DNAH11: variants seen among roughly 807,000 people sequenced by gnomAD.
DNAH11 encodes the protein dynein axonemal heavy chain 11.
DNAH11 carries 442 observed loss-of-function variants against 526.0 expected under a neutral mutation model. The ratio of observed to expected loss-of-function variants is 0.84; its 90% CI spans 0.78 to 0.91. The LOEUF (loss-of-function observed/expected upper bound fraction) is 0.91, where lower values mean the gene tolerates loss of function less well. Ranked by LOEUF, DNAH11 falls within the 40% of genes least tolerant of loss-of-function variation. The probability of loss-of-function intolerance (pLI) is 0.00; values close to 1 mark genes in which losing one functional copy is unlikely to be tolerated. For synonymous variants in DNAH11, 2,461 were observed against 1,935.9 expected (o/e 1.27, Z -7.12); for missense variants, 6,989 against 5,448.7 (o/e 1.28, Z -8.90).
intron 43 of DNAH11, among the ~76,000 whole-genome samples, chr7:21,718,496 A>G (rs1784754661): frequency 6.6e-6 from 1 of 152,210 alleles, no homozygotes; most frequent in South Asian, 2.1e-4. Flanking sequence ...GAGGAGTGTC[A>G]GTCTGGATGA....
Position 21,778,956 on chromosome 7 carries a change from A to T in DNAH11, c.9337-2A>T, listed in dbSNP as rs1381797691. 6.2e-7 allele frequency: 1 copy of T among 1,612,828 alleles called. No individual in the cohort carries two copies. Among genetic ancestry groups the T allele is most frequent in the South Asian group, 1.1e-5 (1 of 91,000 alleles). On this transcript the variant is annotated splice_acceptor_variant, in intron 56 of 81. Coordinates refer to ENST00000409508, the MANE Select transcript of DNAH11 (RefSeq NM_001277115.2). LOFTEE classifies it high-confidence loss of function. ...ACGTAAGAATAATGACTTTTGCTTTAGGTGGGAGATCTAAAAGCCAGACTT... is the reference window on the plus strand; with the variant it reads ...ACGTAAGAATAATGACTTTTGCTTTTGGTGGGAGATCTAAAAGCCAGACTT...
At position 21,570,123 on chromosome 7, in the gene DNAH11, C is replaced by T. The variant is rs1783826920; in HGVS notation, c.1249C>T (p.Leu417=). The change falls in exon 7 of 82, where the codon CTG becomes TTG. Residue 417 remains leucine (L), a synonymous_variant. Transcript: ENST00000409508. ...TTTGAGGGGAGAAATAGAAGAGTCA[C>T]TGGAAAAGGTGCAGGTGGCTGTTAA... ...DLLRGEIEES[L]EKVQVAVNIL... is the part of the protein sequence containing the mutation. 5 of 1,612,908 alleles carry T rather than the reference C, an allele frequency of 3.1e-6. No individual in the cohort carries two copies. In the Admixed American group the frequency reaches 8.4e-5, roughly 27 times the overall value.
chr7:21,861,731 A>G (rs1156231906), intron 68 of DNAH11, 122 bp from the exon 69 acceptor site: 2 of 926,872 alleles, frequency 2.2e-6, no homozygotes, highest in Non-Finnish European at 3.2e-6. Context: ...TAATCCTCCT[A>G]AAAATTTTGC....
intron 66 of DNAH11, 150 bp downstream of exon 66, chr7:21,842,898 C>G (rs368039423): frequency 1.3e-5 from 9 of 710,700 alleles, no homozygotes; most frequent in Non-Finnish European, 2.0e-5. Flanking sequence ...AAAAGTTAAA[C>G]AATTCAAAGT....
At chr7:21,742,280 A>C (rs1785941981) in intron 49 of DNAH11, 114 bp downstream of exon 49, 1 of 1,258,310 alleles carries the variant, frequency 7.9e-7, no homozygotes, top group African/African-American at 1.5e-5. Flanking sequence ...GTAATTTATA[A>C]AGAAAAGAGG....
In DNAH11 at chr7:21,576,970, A is replaced by G. The variant is rs189059747; in HGVS notation, c.1594-4935A>G. ...AAACAAAACAAAAAAAACACTGGCC[A>G]TTATATATAAAACAGACCTAAGAAG... On this transcript the variant is annotated intron_variant, in intron 8 of 81. Transcript: ENST00000409508. 1.0e-3 allele frequency among the ~76,000 whole-genome samples: 155 copies of G among 152,322 alleles called. 1 individual carries two copies. The highest frequency in any genetic ancestry group is 7.5e-3 in the South Asian group (36 of 4,824).
At chr7:21,606,308 G>A in intron 18 of DNAH11, 118 bp from the exon 19 acceptor site, 1 of 853,996 alleles carries the variant, frequency 1.2e-6, no homozygotes, top group Admixed American at 2.8e-5. Context: ...AGGGGATAGA[G>A]CCAGACCTTG....
intron 5 of DNAH11, 43 bp from the exon 6 acceptor site, chr7:21,564,143 A>AAAAC: frequency 6.8e-7 from 1 of 1,463,072 alleles, no homozygotes; most frequent in South Asian, 1.5e-5. Context: ...AAAAAAAAAA[A>AAAAC]AAACAAACCA....
At chr7:21,783,589 C>A (rs1228852959) in intron 57 of DNAH11, among the ~76,000 whole-genome samples, 1 of 152,188 alleles carries the variant, frequency 6.6e-6, no homozygotes, top group African/African-American at 2.4e-5. Flanking sequence ...ATTCACTCTT[C>A]CTGGCCTTTC....
rs146645779 is a variant in DNAH11 at position 21,636,162 on chromosome 7, G to A, written c.4725+67G>A. 2.7e-4 allele frequency: 364 copies of A among 1,347,014 alleles called. 3 individuals carry two copies. The highest frequency in any genetic ancestry group is 1.5e-3 in the Middle Eastern group (8 of 5,332). 83.4% of individuals were successfully genotyped at this position (1,347,014 alleles called of 1,614,324 possible). ...GTAAAGTAACATGGTTTTGAGCATC[G>A]TATTTATAAAAATGAATGCATTTTT... On this transcript the variant is annotated intron_variant, in intron 26 of 81. Coordinates refer to ENST00000409508, the MANE Select transcript of DNAH11 (RefSeq NM_001277115.2).
At position 21,739,604 on chromosome 7, in the gene DNAH11, C is replaced by A. The variant is rs767672159; in HGVS notation, c.7845C>A (p.Ile2615=). Residue 2615 remains isoleucine, a synonymous_variant, in exon 48 of 82, where the codon ATC becomes ATA. Transcript: ENST00000409508. ...YDRQKVMLKE[I]HNCQYVACMN... ...GACAGAAGGTGATGCTTAAAGAAAT[C>A]CATAACTGCCAGTATGTCGCCTGCA... 7 of 1,612,568 alleles carry A rather than the reference C, an allele frequency of 4.3e-6. No homozygotes were observed. The highest frequency in any genetic ancestry group is 5.9e-6 in the Non-Finnish European group (7 of 1,179,428).
chr7:21,598,669 G>C (rs1319779543), intron 14 of DNAH11, among the ~76,000 whole-genome samples: 3 of 152,086 alleles, frequency 2.0e-5, no homozygotes, highest in African/African-American at 7.2e-5. Context: ...TTATTGTACA[G>C]ATTATTTTAT....
intron 30 of DNAH11, among the ~76,000 whole-genome samples, chr7:21,678,925 A>C (rs77044575): frequency 0.023 from 3,474 of 152,204 alleles, 131 homozygotes; most frequent in African/African-American, 0.073. Context: ...AGATATGTGC[A>C]CTCCCGTGTT....
At chr7:21,670,443 A>G (rs1384239746) in intron 30 of DNAH11, among the ~76,000 whole-genome samples, 1 of 152,132 alleles carries the variant, frequency 6.6e-6, no homozygotes, top group East Asian at 1.9e-4. Flanking sequence ...TATATACTCT[A>G]CAGGGCTTCC....
chr7:21,591,180 C>A lies in DNAH11; in HGVS notation c.2275-5C>A, dbSNP rs1460953805. ...ACTTTTTGTTTTGGGGTTTTCTTTG[C>A]TCAGTACATTGGAAATCTTGACCTT... On this transcript the variant is annotated splice_region_variant and splice_polypyrimidine_tract_variant and intron_variant, in intron 13 of 81. Coordinates refer to ENST00000409508, the MANE Select transcript of DNAH11 (RefSeq NM_001277115.2). The A allele has an allele frequency of 6.5e-7, 1 of 1,538,072 alleles. No individual in the cohort carries two copies. Among genetic ancestry groups the A allele is most frequent in the African/African-American group, 1.4e-5 (1 of 72,046 alleles).
intron 8 of DNAH11, among the ~76,000 whole-genome samples, chr7:21,574,431 A>G (rs1463425790): frequency 6.6e-6 from 1 of 152,174 alleles, no homozygotes; most frequent in Non-Finnish European, 1.5e-5. Context: ...GTGGTCCCGC[A>G]GGCAAATGAC....
chr7:21,884,778 T>C (rs1408915951), intron 76 of DNAH11, among the ~76,000 whole-genome samples: 2 of 152,208 alleles, frequency 1.3e-5, no homozygotes, highest in Non-Finnish European at 2.9e-5. Flanking sequence ...GGCCACTAGG[T>C]TGGCACAGGC....
intron 54 of DNAH11, among the ~76,000 whole-genome samples, chr7:21,755,094 C>T (rs1786570811): frequency 6.6e-6 from 1 of 152,102 alleles, no homozygotes; most frequent in Admixed American, 6.5e-5. Flanking sequence ...TGTGAAGTTG[C>T]CACCCCATTA....
At chr7:21,856,546 C>G (rs1048984958) in intron 68 of DNAH11, among the ~76,000 whole-genome samples, 1 of 152,112 alleles carries the variant, frequency 6.6e-6, no homozygotes, top group Non-Finnish European at 1.5e-5. Context: ...AAATACTGGG[C>G]AGTCCCCCCT....
Sources: allele counts gnomAD v4.1 joint callset (sites outside exome capture counted in the v4.1 genomes callset), GRCh38; gene constraint gnomAD v4.1.1; transcripts MANE v1.5; gene names NCBI Gene and HGNC (gene_info 2026-07-23, HGNC 2026-07-21).